The following RORB variants were observed in gnomAD, a reference collection of about 807,000 sequenced individuals.
The protein encoded by RORB is nuclear receptor ROR-beta.
A neutral mutation model predicts 59.1 loss-of-function variants in RORB; 6 were observed. The ratio of observed to expected loss-of-function variants is 0.10; its 90% CI spans 0.06 to 0.20. The LOEUF (loss-of-function observed/expected upper bound fraction) is 0.20. Ranked by LOEUF, RORB falls within the 10% of genes least tolerant of loss-of-function variation. The probability of loss-of-function intolerance (pLI) is 1.00; values close to 1 mark genes in which losing one functional copy is unlikely to be tolerated. For missense variants in RORB, 320 were observed against 560.5 expected (o/e 0.57, Z 4.33); for synonymous variants, 215 against 204.5 (o/e 1.05, Z -0.44).
At chr9:74,596,412 C>T (rs17690830) in intron 1 of RORB, among the ~76,000 whole-genome samples, 47,251 of 152,026 alleles carry the variant, frequency 0.31, 7,526 homozygotes, top group Non-Finnish European at 0.35. Context: ...GATGAGAACA[C>T]CTTGTGCAAT....
At chr9:74,538,439 A>G (rs1826354547) in intron 1 of RORB, among the ~76,000 whole-genome samples, 1 of 152,130 alleles carries the variant, frequency 6.6e-6, no homozygotes, top group Non-Finnish European at 1.5e-5. Context: ...AATGAAAGAA[A>G]TAAAACTTTA....
chr9:74,638,252 T>C (rs1587399134), intron 3 of RORB, among the ~76,000 whole-genome samples: 1 of 152,222 alleles, frequency 6.6e-6, no homozygotes, highest in South Asian at 2.1e-4. Context: ...GCTATGTTAA[T>C]AGAAATCTTT....
intron 4 of RORB, among the ~76,000 whole-genome samples, chr9:74,659,509 G>A (rs1266309845): frequency 2.0e-5 from 3 of 151,486 alleles, no homozygotes; most frequent in East Asian, 3.9e-4. Flanking sequence ...GTTTTGCTTC[G>A]TTTTGTTTTG....
chr9:74,612,837 C>G (rs972007884), intron 1 of RORB, among the ~76,000 whole-genome samples: 1 of 151,964 alleles, frequency 6.6e-6, no homozygotes, highest in Admixed American at 6.6e-5. Flanking sequence ...TCCCCCAGAT[C>G]GATTTGCTTT....
chr9:74,504,456 A>G (rs996676817), intron 1 of RORB, among the ~76,000 whole-genome samples: 9 of 152,058 alleles, frequency 5.9e-5, no homozygotes, highest in Non-Finnish European at 1.3e-4. Context: ...TCGCCAAAAT[A>G]TAAGGCTAAA....
chr9:74,568,828 A>G (rs542517266), intron 1 of RORB, among the ~76,000 whole-genome samples: 1 of 152,242 alleles, frequency 6.6e-6, no homozygotes, highest in East Asian at 1.9e-4. Context: ...AATCATATTT[A>G]TAAGTATAAA....
Position 74,635,972 on chromosome 9 carries a change from A to C in RORB, c.235+1200A>C, listed in dbSNP as rs898465520. On this transcript the variant is annotated intron_variant, in intron 3 of 9. Transcript: ENST00000376896. ...AAATTTGACCAAAAAAAAAAAAAAA[A>C]CAGAATCTGACCTGAAACCCTTCAG... Among the ~76,000 whole-genome samples the C allele has an allele frequency of 7.5e-5, 11 of 147,356 alleles. No individual in the cohort carries two copies. In the East Asian group the frequency reaches 1.2e-3, roughly 16 times the overall value.
At chr9:74,584,826 G>A (rs1435623724) in intron 1 of RORB, among the ~76,000 whole-genome samples, 1 of 152,228 alleles carries the variant, frequency 6.6e-6, no homozygotes, top group African/African-American at 2.4e-5. Flanking sequence ...CACAGAATGA[G>A]TCTGGGAGCT....
intron 1 of RORB, among the ~76,000 whole-genome samples, chr9:74,589,758 G>A (rs537121539): frequency 3.3e-5 from 5 of 152,228 alleles, no homozygotes; most frequent in East Asian, 1.9e-4. Flanking sequence ...TTCTGGCCTC[G>A]CTTGTTCTGT....
At chr9:74,619,146 A>G (rs920749675) in intron 1 of RORB, among the ~76,000 whole-genome samples, 8 of 152,110 alleles carry the variant, frequency 5.3e-5, no homozygotes, top group East Asian at 3.9e-4. Flanking sequence ...TGTTCTTGTT[A>G]TTAGATTTTC....
rs1381236844 is a variant in RORB, at chr9:74,576,299, G to GTAAC, written c.8-53983_8-53982insTAAC. On this transcript the variant is annotated intron_variant, in intron 1 of 9. Coordinates refer to ENST00000376896, the MANE Select transcript of RORB (RefSeq NM_006914.4). The stretch of plus-strand genomic sequence containing the variant: ...GTTTGGGACCATGTACACCCATCCT[G>GTAAC]GCTCCTGTCTGTAACAGCTAATCAC... 2.0e-4 allele frequency among the ~76,000 whole-genome samples: 30 copies of GTAAC among 152,184 alleles called. No individual in the cohort carries two copies. The East Asian group carries it at 5.4e-3, about 27-fold the overall frequency.
At chr9:74,674,364 A>G (rs1324947686) in intron 9 of RORB, among the ~76,000 whole-genome samples, 1 of 152,170 alleles carries the variant, frequency 6.6e-6, no homozygotes, top group East Asian at 1.9e-4. Flanking sequence ...AAAAAAATGC[A>G]CATGTACCCG....
intron 1 of RORB, among the ~76,000 whole-genome samples, chr9:74,527,875 G>A (rs971556149): frequency 3.9e-5 from 6 of 151,960 alleles, no homozygotes; most frequent in African/African-American, 1.4e-4. Flanking sequence ...TGTTTATAGG[G>A]TAGCAGGTTG....
chr9:74,686,733 A>G lies in RORB; in HGVS notation c.*1115A>G, dbSNP rs1181209714. 6.6e-6 allele frequency: 1 copy of G among 152,624 alleles called. No homozygotes were observed. Among genetic ancestry groups the G allele is most frequent in the African/African-American group, 2.4e-5 (1 of 41,462 alleles). The allele number at this position is 152,624 out of a possible 1,614,324, so 9.5% of individuals were successfully genotyped here. A position where few individuals can be genotyped will look rare whatever the true frequency, so the allele number is the denominator to read the frequency against. On this transcript the variant is annotated 3_prime_UTR_variant, in exon 10 of 10. Transcript: ENST00000376896. Reference sequence around the variant, plus strand: ...TCTCTCTCACCATGTTTTGGCAAGAAAAGGTAGAAAGAGAAGACCCAGAGT... The same window carrying G: ...TCTCTCTCACCATGTTTTGGCAAGAGAAGGTAGAAAGAGAAGACCCAGAGT...
chr9:74,566,540 T>C (rs1242104076), intron 1 of RORB, among the ~76,000 whole-genome samples: 1 of 152,180 alleles, frequency 6.6e-6, no homozygotes, highest in East Asian at 1.9e-4. Context: ...CTCACACCTG[T>C]AATCCCAAGA....
At chr9:74,595,888 T>C (rs970661362) in intron 1 of RORB, among the ~76,000 whole-genome samples, 12 of 152,188 alleles carry the variant, frequency 7.9e-5, no homozygotes, top group Non-Finnish European at 1.8e-4. Context: ...GCTCCTCAGA[T>C]GTCCCACAGA....
At chr9:74,665,891 T>C (rs540209935) in intron 7 of RORB, among the ~76,000 whole-genome samples, 2 of 152,260 alleles carry the variant, frequency 1.3e-5, no homozygotes, top group African/African-American at 4.8e-5. Context: ...CGTATAATCC[T>C]AGAACTTTGG....
rs764617212 is a variant in RORB, at chr9:74,665,473, A to G, written c.893-15A>G. On this transcript the variant is annotated splice_polypyrimidine_tract_variant and intron_variant, in intron 6 of 9. Transcript: ENST00000376896. The stretch of plus-strand genomic sequence containing the variant: ...GTATTTTTATTTTATTTTTATTTTT[A>G]TTTTTTACTCATAGGTTGCTTGGAA... 1 of 1,495,038 alleles carries G rather than the reference A, an allele frequency of 6.7e-7. No homozygotes were observed. Among genetic ancestry groups the G allele is most frequent in the Admixed American group, 1.8e-5 (1 of 55,030 alleles). The allele number at this position is 1,495,038 out of a possible 1,614,324, so 92.6% of individuals were successfully genotyped here.
At chr9:74,500,916 G>C (rs1362805053) in intron 1 of RORB, among the ~76,000 whole-genome samples, 2 of 152,016 alleles carry the variant, frequency 1.3e-5, no homozygotes, top group African/African-American at 4.8e-5. Context: ...GTCTGTGAGA[G>C]GGTACCACAG....
Sources: gnomAD v4.1 joint callset for allele counts (sites outside exome capture counted in the v4.1 genomes callset) on GRCh38, gnomAD v4.1.1 for gene constraint, MANE v1.5 for transcripts, NCBI Gene and HGNC (gene_info 2026-07-23, HGNC 2026-07-21) for gene names.